GLIS1: variants seen among roughly 807,000 people sequenced by gnomAD.
The protein encoded by GLIS1 is zinc finger protein GLIS1.
Under a neutral mutation model 63.8 loss-of-function variants are expected in GLIS1, and 24 were observed. That is an observed-to-expected ratio of 0.38 (90% CI 0.27 to 0.53). The LOEUF (loss-of-function observed/expected upper bound fraction) is 0.53. Among genes scored for constraint, GLIS1 ranks in the 20% least tolerant of loss-of-function variants. The probability of loss-of-function intolerance (pLI) is 0.85; values close to 1 mark genes in which losing one functional copy is unlikely to be tolerated. For missense variants in GLIS1, 1,036 were observed against 1,074.1 expected (o/e 0.96, Z 0.50); for synonymous variants, 450 against 482.5 (o/e 0.93, Z 0.88).
At chr1:53,555,701 CAAAAATT>C (rs1644812456) in intron 4 of GLIS1, among the ~76,000 whole-genome samples, 1 of 152,162 alleles carries the variant, frequency 6.6e-6, no homozygotes, top group Non-Finnish European at 1.5e-5. Flanking sequence ...TATGTACGTA[CAAAAATT>C]AAAAATTAAG....
chr1:53,683,849 T>C (rs777798680), intron 2 of GLIS1, among the ~76,000 whole-genome samples: 12 of 152,110 alleles, frequency 7.9e-5, no homozygotes, highest in Non-Finnish European at 1.2e-4. Context: ...ATTGGGAGGA[T>C]GTGGACTAGA....
chr1:53,547,405 C>T (rs540013332), intron 4 of GLIS1, among the ~76,000 whole-genome samples: 40 of 152,392 alleles, frequency 2.6e-4, no homozygotes, highest in African/African-American at 9.4e-4. Context: ...ACCAACAATG[C>T]ACCCTGGTCT....
At chr1:53,628,920 C>T (rs1333769704) in intron 2 of GLIS1, among the ~76,000 whole-genome samples, 1 of 152,158 alleles carries the variant, frequency 6.6e-6, no homozygotes, top group Admixed American at 6.5e-5. Flanking sequence ...GACTTCCATC[C>T]ACAGCAGTGG....
chr1:53,652,860 CCTGG>C, intron 2 of GLIS1, among the ~76,000 whole-genome samples: 1 of 152,294 alleles, frequency 6.6e-6, no homozygotes, highest in East Asian at 1.9e-4. Context: ...TCAGCCCCAC[CCTGG>C]CCATGTGGTC....
chr1:53,577,821 T>C (rs571256256), intron 4 of GLIS1, among the ~76,000 whole-genome samples: 1 of 152,172 alleles, frequency 6.6e-6, no homozygotes, highest in South Asian at 2.1e-4. Flanking sequence ...CCAGGATTGG[T>C]TTCTGCTGCT....
intron 4 of GLIS1, among the ~76,000 whole-genome samples, chr1:53,531,184 C>T (rs1644526246): frequency 6.6e-6 from 1 of 152,210 alleles, no homozygotes; most frequent in African/African-American, 2.4e-5. Flanking sequence ...CCAGAGGAGG[C>T]TGGCCCCCTC....
At chr1:53,695,459 G>T (rs768060736) in intron 2 of GLIS1, among the ~76,000 whole-genome samples, 2 of 152,226 alleles carry the variant, frequency 1.3e-5, no homozygotes, top group Non-Finnish European at 2.9e-5. Context: ...CTACGGCAGC[G>T]ACTTGTCTGT....
At chr1:53,535,236 C>A (rs1644570484) in intron 4 of GLIS1, among the ~76,000 whole-genome samples, 1 of 152,052 alleles carries the variant, frequency 6.6e-6, no homozygotes, top group Admixed American at 6.5e-5. Context: ...GAAGCCACTC[C>A]ATGCAAGGAC....
rs1645850756 is a variant in GLIS1 at position 53,646,900 on chromosome 1, AAAGGAAGGAAGGGAAGG to A, written c.260-46639_260-46623del. Among the ~76,000 whole-genome samples the A allele has an allele frequency of 6.8e-6, 1 of 148,046 alleles. No homozygotes were observed. Among genetic ancestry groups the A allele is most frequent in the African/African-American group, 2.5e-5 (1 of 40,032 alleles). On this transcript the variant is annotated intron_variant, in intron 2 of 10. Transcript: ENST00000628545. This position sits in a 1 kb window ranked among gnomAD's most constrained non-coding sequence, Gnocchi z 4.2. ...GAAGGAGAAGGGAAGGGAAGGAAGG[AAAGGAAGGAAGGGAAGG>A]AAGGAAGGAAGGAAAGAAGGAAGGA...
chr1:53,512,903 C>T (rs1358222495), intron 8 of GLIS1, among the ~76,000 whole-genome samples: 1 of 150,378 alleles, frequency 6.6e-6, no homozygotes, highest in Non-Finnish European at 1.5e-5. Context: ...TGGGTGGGGG[C>T]GGGGACCATC....
intron 4 of GLIS1, among the ~76,000 whole-genome samples, chr1:53,540,829 G>A (rs1270827340): frequency 6.6e-6 from 1 of 152,202 alleles, no homozygotes; most frequent in Non-Finnish European, 1.5e-5. Context: ...CCTGGGGAGG[G>A]CGGAGGCCAG....
chr1:53,556,331 T>A (rs1644825780), intron 4 of GLIS1, among the ~76,000 whole-genome samples: 1 of 143,112 alleles, frequency 7.0e-6, no homozygotes, highest in Non-Finnish European at 1.5e-5. Context: ...TGCAGGTGTG[T>A]GTGTGCAGGC....
intron 2 of GLIS1, among the ~76,000 whole-genome samples, chr1:53,702,901 C>T (rs545896032): frequency 1.3e-4 from 20 of 152,316 alleles, no homozygotes; most frequent in African/African-American, 4.3e-4. Context: ...GCCACCGTGG[C>T]CTGTCCTCAT....
intron 2 of GLIS1, among the ~76,000 whole-genome samples, chr1:53,683,298 A>G (rs879560269): frequency 6.6e-6 from 1 of 152,128 alleles, no homozygotes; most frequent in Admixed American, 6.5e-5. Context: ...GCATCCTCAC[A>G]CCGCGTGAAT....
At chr1:53,513,119 C>T (rs1039985118) in intron 8 of GLIS1, among the ~76,000 whole-genome samples, 1 of 152,158 alleles carries the variant, frequency 6.6e-6, no homozygotes, top group Admixed American at 6.5e-5. Flanking sequence ...CAATCTTCCC[C>T]TGCCTGTCAG....
intron 2 of GLIS1, among the ~76,000 whole-genome samples, chr1:53,671,197 A>T (rs1646146973): frequency 6.6e-6 from 1 of 152,204 alleles, no homozygotes; most frequent in African/African-American, 2.4e-5. Context: ...AGAAATTTTT[A>T]AAATAATTTA....
chr1:53,641,880 A>G (rs1021885176), intron 2 of GLIS1, among the ~76,000 whole-genome samples: 2 of 152,232 alleles, frequency 1.3e-5, no homozygotes, highest in Non-Finnish European at 2.9e-5. Context: ...CAGCTTGCAC[A>G]TCATTTAATC....
intron 4 of GLIS1, among the ~76,000 whole-genome samples, chr1:53,551,671 G>A (rs930181886): frequency 3.3e-5 from 5 of 151,650 alleles, no homozygotes; most frequent in African/African-American, 4.9e-5. Flanking sequence ...GTCCCTCCCC[G>A]GTGAGGGCAC....
At chr1:53,516,264 C>T (rs1644351482) in intron 7 of GLIS1, among the ~76,000 whole-genome samples, 1 of 152,190 alleles carries the variant, frequency 6.6e-6, no homozygotes, top group African/African-American at 2.4e-5. Context: ...AGTCTCCTTT[C>T]ATGGATGGGG....
Sources: gnomAD v4.1 joint callset for allele counts (sites outside exome capture counted in the v4.1 genomes callset) on GRCh38, gnomAD v4.1.1 for gene constraint, Gnocchi (gnomAD v3.1) non-coding constraint, MANE v1.5 for transcripts, NCBI Gene and HGNC (gene_info 2026-07-23, HGNC 2026-07-21) for gene names.